The following ARMH3 variants were observed in gnomAD, a reference collection of about 807,000 sequenced individuals.
ARMH3 encodes the protein armadillo like helical domain containing 3.
In ARMH3, 60 loss-of-function variants were observed where a neutral mutation model predicts 99.1. The ratio of observed to expected loss-of-function variants is 0.61; its 90% CI spans 0.49 to 0.75. The LOEUF (loss-of-function observed/expected upper bound fraction) is 0.75, where lower values mean the gene tolerates loss of function less well. ARMH3 is among the 30% of genes least tolerant of loss of function. The pLI, the probability that ARMH3 is intolerant of heterozygous loss-of-function variation, is 0.00. For synonymous variants in ARMH3, 285 were observed against 292.8 expected, an observed-to-expected ratio of 0.97 and a Z score of 0.27; for missense variants, 679 against 843.1, an observed-to-expected ratio of 0.81 and a Z score of 2.41.
intron 24 of ARMH3, among the ~76,000 whole-genome samples, chr10:101,885,324 T>G (rs917595634): frequency 6.6e-5 from 10 of 152,208 alleles, no homozygotes; most frequent in African/African-American, 1.9e-4. Flanking sequence ...AACACATAGT[T>G]GTAATACGCC....
At chr10:101,951,577 A>G (rs968292714) in intron 22 of ARMH3, among the ~76,000 whole-genome samples, 1 of 151,928 alleles carries the variant, frequency 6.6e-6, no homozygotes, top group Non-Finnish European at 1.5e-5. Flanking sequence ...TCTCCAAAAA[A>G]AGAAGAAAGC....
intron 24 of ARMH3, among the ~76,000 whole-genome samples, chr10:101,871,608 C>T (rs999770091): frequency 2.0e-5 from 3 of 151,554 alleles, no homozygotes; most frequent in Admixed American, 6.6e-5. Flanking sequence ...GAATATTTGG[C>T]GGGGGGGAAA....
chr10:101,988,851 A>T (rs1846634373), intron 19 of ARMH3, among the ~76,000 whole-genome samples: 1 of 142,776 alleles, frequency 7.0e-6, no homozygotes, highest in African/African-American at 2.6e-5. Flanking sequence ...TGAATCCAGG[A>T]GGCAGAGGTT....
intron 4 of ARMH3, among the ~76,000 whole-genome samples, 179 bp from the exon 5 acceptor site, chr10:102,029,924 G>T (rs1242922707): frequency 9.4e-5 from 14 of 148,502 alleles, no homozygotes; most frequent in South Asian, 2.1e-4. Context: ...TTTTTTGTTT[G>T]TTTGTTTTTT....
chr10:101,895,643 G>C (rs1224027452), intron 23 of ARMH3, among the ~76,000 whole-genome samples: 1 of 152,100 alleles, frequency 6.6e-6, no homozygotes, highest in Non-Finnish European at 1.5e-5. Flanking sequence ...TGATTTCTTA[G>C]ATAAAACACC....
chr10:101,883,211 G>A (rs1185253919), intron 24 of ARMH3, among the ~76,000 whole-genome samples: 1 of 152,018 alleles, frequency 6.6e-6, no homozygotes, highest in Non-Finnish European at 1.5e-5. Context: ...GGCCAAGAGT[G>A]TGAGACCAGC....
intron 1 of ARMH3, among the ~76,000 whole-genome samples, chr10:102,047,562 C>T (rs2067587429): frequency 6.6e-6 from 1 of 151,728 alleles, no homozygotes; most frequent in South Asian, 2.1e-4. Context: ...TCTCGGCTCA[C>T]GGCAACCTCC....
intron 19 of ARMH3, among the ~76,000 whole-genome samples, chr10:101,982,635 A>G (rs182443597): frequency 2.6e-5 from 4 of 152,308 alleles, no homozygotes; most frequent in Admixed American, 2.6e-4. Context: ...CATGGTCTGC[A>G]TTACCACCTG....
chr10:101,984,112 T>C (rs2135966561), intron 19 of ARMH3, among the ~76,000 whole-genome samples: 1 of 152,276 alleles, frequency 6.6e-6, no homozygotes, highest in South Asian at 2.1e-4. Context: ...CTCCCCACAT[T>C]TGGTCATAGA....
chr10:101,929,361 T>C (rs1843631407), intron 23 of ARMH3, among the ~76,000 whole-genome samples: 1 of 152,232 alleles, frequency 6.6e-6, no homozygotes, highest in Non-Finnish European at 1.5e-5. Context: ...AACACCTACA[T>C]GTGAGAAAAT....
At chr10:101,891,875 A>C (rs1442690199) in intron 23 of ARMH3, among the ~76,000 whole-genome samples, 9 of 152,120 alleles carry the variant, frequency 5.9e-5, no homozygotes. Flanking sequence ...TTGAGAGGCT[A>C]AGGTGAGCGG....
At chr10:102,010,507 AT>A (rs2136107205) in intron 11 of ARMH3, among the ~76,000 whole-genome samples, 1 of 152,350 alleles carries the variant, frequency 6.6e-6, no homozygotes, top group Admixed American at 6.5e-5. Flanking sequence ...AAAGCTGTCT[AT>A]ATGAGATCCA....
At chr10:102,016,017 C>A (rs1023887634) in intron 8 of ARMH3, among the ~76,000 whole-genome samples, 1 of 152,108 alleles carries the variant, frequency 6.6e-6, no homozygotes, top group Non-Finnish European at 1.5e-5. Flanking sequence ...CGCCTGTAGT[C>A]CCAGCTACTC....
At chr10:101,876,758 A>C (rs2067276586) in intron 24 of ARMH3, among the ~76,000 whole-genome samples, 1 of 152,198 alleles carries the variant, frequency 6.6e-6, no homozygotes, top group African/African-American at 2.4e-5. Flanking sequence ...CAGTGGAAAC[A>C]AAAAGAACTT....
chr10:101,964,965 T>A (rs775613473), intron 20 of ARMH3, among the ~76,000 whole-genome samples: 1 of 151,802 alleles, frequency 6.6e-6, no homozygotes, highest in African/African-American at 2.4e-5. Context: ...TGAACCAAGA[T>A]TGCACCACTG....
intron 20 of ARMH3, among the ~76,000 whole-genome samples, chr10:101,962,245 C>G (rs1472323610): frequency 1.3e-5 from 2 of 152,138 alleles, no homozygotes; most frequent in Non-Finnish European, 2.9e-5. Flanking sequence ...AGATAATGCC[C>G]ATGGGCCCAT....
At chr10:102,004,184 C>T (rs1028307831) in intron 14 of ARMH3, among the ~76,000 whole-genome samples, 6 of 152,074 alleles carry the variant, frequency 3.9e-5, no homozygotes, top group African/African-American at 1.2e-4. Flanking sequence ...GCTAAACTGC[C>T]GGCTTTTAAA....
chr10:101,994,645 G>A (rs1355832849), intron 16 of ARMH3, among the ~76,000 whole-genome samples: 2 of 152,012 alleles, frequency 1.3e-5, no homozygotes, highest in Non-Finnish European at 2.9e-5. Flanking sequence ...CTTGTTCCTC[G>A]GCAAACTGCA....
At chr10:101,943,228 T>A (rs895451830) in intron 22 of ARMH3, among the ~76,000 whole-genome samples, 1 of 152,060 alleles carries the variant, frequency 6.6e-6, no homozygotes, top group African/African-American at 2.4e-5. Flanking sequence ...ATCCCTTACA[T>A]CTCTTGCAGA....
Sources: gnomAD v4.1 joint callset for allele counts (sites outside exome capture counted in the v4.1 genomes callset) on GRCh38, gnomAD v4.1.1 for gene constraint, MANE v1.5 for transcripts, NCBI Gene and HGNC (gene_info 2026-07-23, HGNC 2026-07-21) for gene names.